The following HSD17B6 variants were observed in gnomAD, a reference collection of about 807,000 sequenced individuals.
The protein encoded by HSD17B6 is hydroxysteroid 17-beta dehydrogenase 6.
HSD17B6 carries 16 observed loss-of-function variants against 26.4 expected under a neutral mutation model. The observed-to-expected ratio is 0.61, with a 90% CI of 0.41 to 0.92. The LOEUF (loss-of-function observed/expected upper bound fraction) is 0.92, where lower values mean the gene tolerates loss of function less well. Among genes scored for constraint, HSD17B6 ranks in the 40% least tolerant of loss-of-function variants. The probability of loss-of-function intolerance (pLI) is 0.00; values close to 1 mark genes in which losing one functional copy is unlikely to be tolerated. For synonymous variants in HSD17B6, 139 were observed against 153.0 expected (o/e 0.91, Z 0.68); for missense variants, 357 against 386.1 (o/e 0.92, Z 0.63).
At chr12:56,766,025 G>A (rs1249969065) in intron 1 of HSD17B6, among the ~76,000 whole-genome samples, 1 of 152,124 alleles carries the variant, frequency 6.6e-6, no homozygotes, top group Non-Finnish European at 1.5e-5. Flanking sequence ...CCACCACTGT[G>A]ATTTGTTCCT....
At chr12:56,786,248 TG>T (rs1157822878) in intron 4 of HSD17B6, among the ~76,000 whole-genome samples, 15 of 144,916 alleles carry the variant, frequency 1.0e-4, no homozygotes, top group South Asian at 2.2e-4. Flanking sequence ...TTAAGTTGTG[TG>T]TTTTTTTTTT....
intron 1 of HSD17B6, among the ~76,000 whole-genome samples, chr12:56,769,227 C>T (rs1215190820): frequency 6.6e-6 from 1 of 151,890 alleles, no homozygotes; most frequent in Non-Finnish European, 1.5e-5. Context: ...CTCCGCCTCC[C>T]AAGTAGCTGG....
chr12:56,769,915 T>C (rs766377040), intron 1 of HSD17B6, among the ~76,000 whole-genome samples: 27 of 152,176 alleles, frequency 1.8e-4, no homozygotes, highest in Non-Finnish European at 3.7e-4. Context: ...TGAATAGTAA[T>C]GCCCGGGGAA....
intron 2 of HSD17B6, among the ~76,000 whole-genome samples, chr12:56,776,609 A>G (rs1255995776): frequency 6.6e-6 from 1 of 151,870 alleles, no homozygotes; most frequent in African/African-American, 2.4e-5. Context: ...CCTGTTCTCC[A>G]TGTCTTTTCA....
intron 1 of HSD17B6, among the ~76,000 whole-genome samples, chr12:56,772,126 T>G (rs1954486473): frequency 6.6e-6 from 1 of 152,176 alleles, no homozygotes; most frequent in Admixed American, 6.5e-5. Flanking sequence ...CTAGTACACC[T>G]GTAGATCTCA....
intron 1 of HSD17B6, among the ~76,000 whole-genome samples, chr12:56,768,293 A>G (rs999120802): frequency 1.3e-5 from 2 of 152,124 alleles, no homozygotes; most frequent in South Asian, 2.1e-4. Context: ...GTGAGCTGTG[A>G]GAGAGTTTCC....
At chr12:56,783,762 C>T (rs1238752760) in intron 3 of HSD17B6, among the ~76,000 whole-genome samples, 3 of 140,906 alleles carry the variant, frequency 2.1e-5, no homozygotes, top group Admixed American at 1.4e-4. Context: ...CCAGTAGGGG[C>T]GGCCGGGCAG....
intron 4 of HSD17B6, 105 bp from the exon 5 acceptor site, chr12:56,787,020 C>T (rs1195194556): frequency 9.7e-6 from 8 of 828,310 alleles, no homozygotes; most frequent in East Asian, 2.5e-5. Flanking sequence ...CATTCTAGAT[C>T]ATTCTATTTT....
chr12:56,783,038 C>T (rs1386234225), intron 3 of HSD17B6, among the ~76,000 whole-genome samples: 1 of 152,240 alleles, frequency 6.6e-6, no homozygotes, highest in East Asian at 1.9e-4. Flanking sequence ...CCCATGTCTA[C>T]TTCTTTCTAC....
intron 2 of HSD17B6, among the ~76,000 whole-genome samples, chr12:56,779,791 C>T (rs1954672643): frequency 1.4e-5 from 2 of 138,268 alleles, no homozygotes; most frequent in Non-Finnish European, 1.5e-5. Context: ...TAGATTTATC[C>T]TCTTTTTACC....
At chr12:56,778,678 T>TC (rs1383750569) in intron 2 of HSD17B6, among the ~76,000 whole-genome samples, 1 of 146,952 alleles carries the variant, frequency 6.8e-6, no homozygotes, top group Non-Finnish European at 1.5e-5. Context: ...CTTTTTCTTT[T>TC]TTTTTTTTTT....
intron 2 of HSD17B6, among the ~76,000 whole-genome samples, chr12:56,778,329 C>T (rs1047673385): frequency 2.0e-5 from 3 of 152,098 alleles, no homozygotes; most frequent in African/African-American, 7.2e-5. Flanking sequence ...GCTGTGTCAC[C>T]CAGGCTGGAG....
At chr12:56,786,735 C>T (rs1053076845) in intron 4 of HSD17B6, among the ~76,000 whole-genome samples, 3 of 152,066 alleles carry the variant, frequency 2.0e-5, no homozygotes, top group Admixed American at 2.0e-4. Flanking sequence ...CCTGTAGTCC[C>T]AGCTATGTGG....
At chr12:56,784,642 C>T (rs528396102) in intron 3 of HSD17B6, among the ~76,000 whole-genome samples, 19 of 152,216 alleles carry the variant, frequency 1.2e-4, no homozygotes, top group Admixed American at 9.2e-4. Context: ...GTCCAGCTTC[C>T]GCTCGGCATC....
chr12:56,766,409 TC>T (rs771292536), intron 1 of HSD17B6, among the ~76,000 whole-genome samples: 3 of 152,166 alleles, frequency 2.0e-5, no homozygotes, highest in Non-Finnish European at 4.4e-5. Flanking sequence ...CTCTCACTAT[TC>T]CCTTTGCCTG....
intron 2 of HSD17B6, among the ~76,000 whole-genome samples, chr12:56,780,624 C>T (rs983247020): frequency 5.9e-5 from 9 of 151,824 alleles, no homozygotes; most frequent in East Asian, 1.9e-4. Flanking sequence ...TTTGGGAGGC[C>T]GAGGCGGGCA....
At chr12:56,782,696 G>A (rs1285592340) in intron 3 of HSD17B6, among the ~76,000 whole-genome samples, 4 of 149,982 alleles carry the variant, frequency 2.7e-5, no homozygotes, top group Admixed American at 1.3e-4. Context: ...TCATTCTTGG[G>A]TGTTTCTCGC....
In HSD17B6 at chr12:56,782,203, T is replaced by C; in HGVS notation, c.543T>C (p.Tyr181=). Residue 181 remains tyrosine, a synonymous_variant, in exon 3 of 5, where the codon TAT becomes TAC. Transcript: ENST00000322165. ...TAGGAGGCTACTGTGTCTCCAAGTA[T>C]GGAGTGGAAGCCTTTTCAGATATTC... The part of the protein sequence containing the change: ...FFVGGYCVSK[Y]GVEAFSDILR... The C allele has an allele frequency of 6.2e-7, 1 of 1,614,150 alleles. No homozygotes were observed. Among genetic ancestry groups the C allele is most frequent in the Non-Finnish European group, 8.5e-7 (1 of 1,180,018 alleles).
intron 1 of HSD17B6, among the ~76,000 whole-genome samples, chr12:56,764,105 A>C (rs1406690666): frequency 6.6e-6 from 1 of 150,854 alleles, no homozygotes; most frequent in Admixed American, 6.6e-5. Flanking sequence ...AAAGAAAAAA[A>C]GAAAAAAAAA....
Sources: allele counts gnomAD v4.1 joint callset (sites outside exome capture counted in the v4.1 genomes callset), GRCh38; gene constraint gnomAD v4.1.1; transcripts MANE v1.5; gene names NCBI Gene and HGNC (gene_info 2026-07-23, HGNC 2026-07-21).